The following CSMD1 variants were observed in gnomAD, a reference collection of about 807,000 sequenced individuals.
CSMD1 encodes CUB and Sushi multiple domains 1.
In CSMD1, 213 loss-of-function variants were observed where a neutral mutation model predicts 417.5. That is an observed-to-expected ratio of 0.51 (90% CI 0.46 to 0.57). CSMD1 has a LOEUF of 0.57. CSMD1 is among the 20% of genes least tolerant of loss of function. The probability of loss-of-function intolerance (pLI) is 0.00; values close to 1 mark genes in which losing one functional copy is unlikely to be tolerated. For synonymous variants in CSMD1, 2,862 were observed against 1,736.8 expected (o/e 1.65, Z -16.11); for missense variants, 6,923 against 4,529.7 (o/e 1.53, Z -15.17).
At chr8:4,130,806 T>C (rs1331353665) in intron 3 of CSMD1, among the ~76,000 whole-genome samples, 2 of 151,732 alleles carry the variant, frequency 1.3e-5, no homozygotes, top group Non-Finnish European at 2.9e-5. Flanking sequence ...ACAAATTATA[T>C]ATTTGTATAT....
intron 1 of CSMD1, among the ~76,000 whole-genome samples, chr8:4,828,122 A>G (rs1799940866): frequency 6.6e-6 from 1 of 152,130 alleles, no homozygotes; most frequent in Non-Finnish European, 1.5e-5. Flanking sequence ...TTGATTTTCC[A>G]TCACTACAAC....
At chr8:4,650,235 C>A (rs1203587741) in intron 1 of CSMD1, among the ~76,000 whole-genome samples, 7 of 150,756 alleles carry the variant, frequency 4.6e-5, no homozygotes, top group African/African-American at 1.5e-4. Flanking sequence ...GTCCCAGCTA[C>A]TCGGGAGGCT....
intron 3 of CSMD1, among the ~76,000 whole-genome samples, chr8:4,236,273 A>G (rs1348474333): frequency 6.6e-6 from 1 of 152,070 alleles, no homozygotes; most frequent in Non-Finnish European, 1.5e-5. Flanking sequence ...TAATTGGCAC[A>G]CTGATCGGAA....
chr8:4,971,965 T>C (rs984439842), intron 1 of CSMD1, among the ~76,000 whole-genome samples: 1 of 151,998 alleles, frequency 6.6e-6, no homozygotes, highest in Non-Finnish European at 1.5e-5. Context: ...TGAAGGATAA[T>C]AAACAGGTGT....
chr8:3,300,029 T>A (rs1439082568), intron 25 of CSMD1, among the ~76,000 whole-genome samples: 1 of 152,162 alleles, frequency 6.6e-6, no homozygotes. Context: ...ATGGTAGCAT[T>A]ACTTACAACA....
intron 5 of CSMD1, among the ~76,000 whole-genome samples, chr8:3,985,007 G>A (rs1020110364): frequency 3.3e-5 from 5 of 152,138 alleles, no homozygotes; most frequent in African/African-American, 1.2e-4. Context: ...GAAAATCACG[G>A]ATCTCATAAG....
At chr8:3,812,871 C>G (rs966860107) in intron 5 of CSMD1, among the ~76,000 whole-genome samples, 1 of 152,138 alleles carries the variant, frequency 6.6e-6, no homozygotes, top group African/African-American at 2.4e-5. Context: ...CCAACGAGGA[C>G]CAGTTTAATG....
chr8:4,031,808 G>A (rs185266921), intron 4 of CSMD1, 97 bp downstream of exon 4: 8 of 900,060 alleles, frequency 8.9e-6, no homozygotes, highest in East Asian at 2.7e-5. Flanking sequence ...AGCTCAACAT[G>A]TATTATTTTC....
At chr8:4,437,925 C>G (rs1365486937) in intron 2 of CSMD1, among the ~76,000 whole-genome samples, 1 of 152,112 alleles carries the variant, frequency 6.6e-6, no homozygotes, top group Non-Finnish European at 1.5e-5. Flanking sequence ...TGGACATCAA[C>G]CTGCTTAAAG....
At chr8:3,701,670 A>G (rs1471229554) in intron 7 of CSMD1, among the ~76,000 whole-genome samples, 3 of 152,232 alleles carry the variant, frequency 2.0e-5, no homozygotes, top group African/African-American at 7.2e-5. Flanking sequence ...TTTCTGAAGT[A>G]TATTTTGCAA....
chr8:3,694,557 G>A (rs1215276999), intron 7 of CSMD1, among the ~76,000 whole-genome samples: 1 of 151,968 alleles, frequency 6.6e-6, no homozygotes, highest in Admixed American at 6.6e-5. Flanking sequence ...TTCAGGTTCA[G>A]TGGAAGGCCA....
chr8:4,353,437 G>A (rs534172786), intron 3 of CSMD1, among the ~76,000 whole-genome samples: 42 of 152,094 alleles, frequency 2.8e-4, no homozygotes, highest in African/African-American at 7.5e-4. Context: ...ACCTATTCTC[G>A]AGTATGTCTT....
chr8:4,558,506 T>G (rs529449113), intron 2 of CSMD1, among the ~76,000 whole-genome samples: 36 of 152,268 alleles, frequency 2.4e-4, no homozygotes, highest in African/African-American at 8.4e-4. Context: ...CTCATGGGAT[T>G]CCACTGAGCT....
At chr8:3,833,330 C>G (rs1001123519) in intron 5 of CSMD1, among the ~76,000 whole-genome samples, 2 of 152,060 alleles carry the variant, frequency 1.3e-5, no homozygotes, top group Non-Finnish European at 2.9e-5. Context: ...AAACATTATT[C>G]TAAGCCTCTG....
rs555164316 is a variant in CSMD1 at position 4,441,388 on chromosome 8, C to T, written c.303-21323G>A. Among the ~76,000 whole-genome samples the T allele has an allele frequency of 3.3e-5, 5 of 150,692 alleles. No individual in the cohort carries two copies. In the East Asian group the frequency reaches 1.0e-3, roughly 30 times the overall value. On this transcript the variant is annotated intron_variant, in intron 2 of 69. Coordinates refer to ENST00000635120, the MANE Select transcript of CSMD1 (RefSeq NM_033225.6). ...TGAGCCTCCTAAAGTGCTGTAATCA[C>T]AGGCATGAGCCAACTCACCCAGCCC... is the stretch of plus-strand genomic sequence containing the variant.
intron 27 of CSMD1, 61 bp downstream of exon 27, chr8:3,229,979 T>G (rs1798737772): frequency 8.1e-7 from 1 of 1,235,248 alleles, no homozygotes. Context: ...TACGGAGCGC[T>G]TTTAACGACA....
At chr8:4,501,265 A>C (rs981041880) in intron 2 of CSMD1, among the ~76,000 whole-genome samples, 8 of 152,100 alleles carry the variant, frequency 5.3e-5, no homozygotes, top group Admixed American at 1.3e-4. Flanking sequence ...TAGTTTATTC[A>C]TATTGTGATC....
chr8:4,172,943 C>T (rs963604612), intron 3 of CSMD1, among the ~76,000 whole-genome samples: 1 of 152,090 alleles, frequency 6.6e-6, no homozygotes, highest in South Asian at 2.1e-4. Context: ...TACAGAAAAA[C>T]CTCGAGGGCT....
rs561229519 is a variant in CSMD1 at position 3,114,281 on chromosome 8, T to G, written c.6431-3946A>C. 4.2e-3 allele frequency among the ~76,000 whole-genome samples: 646 copies of G among 152,076 alleles called. 3 individuals are homozygous for G. Among genetic ancestry groups the G allele is most frequent in the Non-Finnish European group, 6.9e-3 (469 of 67,952 alleles). ...AAAGTGAAAACAAAATAATTTAAAT[T>G]TTAAAACCTTGAACGTTTGCTAAGA... On this transcript the variant is annotated intron_variant, in intron 42 of 69. Transcript: ENST00000635120.
Sources: gnomAD v4.1 joint callset for allele counts (sites outside exome capture counted in the v4.1 genomes callset) on GRCh38, gnomAD v4.1.1 for gene constraint, MANE v1.5 for transcripts, NCBI Gene and HGNC (gene_info 2026-07-23, HGNC 2026-07-21) for gene names.